The following GRIA2 variants were observed in gnomAD, a reference collection of about 807,000 sequenced individuals.
GRIA2 encodes glutamate receptor 2.
GRIA2 carries 14 observed loss-of-function variants against 97.3 expected under a neutral mutation model. The observed-to-expected ratio is 0.14, with a 90% CI of 0.10 to 0.23. GRIA2 has a LOEUF of 0.23. Ranked by LOEUF, GRIA2 falls within the 10% of genes least tolerant of loss-of-function variation. The probability of loss-of-function intolerance (pLI) is 1.00; values close to 1 mark genes in which losing one functional copy is unlikely to be tolerated. For missense variants in GRIA2, 558 were observed against 1,069.8 expected (o/e 0.52, Z 6.67); for synonymous variants, 412 against 387.8 (o/e 1.06, Z -0.73).
At chr4:157,253,803 C>G (rs1203163318) in intron 2 of GRIA2, among the ~76,000 whole-genome samples, 1 of 152,034 alleles carries the variant, frequency 6.6e-6, no homozygotes, top group Non-Finnish European at 1.5e-5. Context: ...CTGAGACAAG[C>G]TCATTAATGT....
chr4:157,357,672 GTGACCTAACATACCAGAACTAA>G (rs998548891), intron 12 of GRIA2, among the ~76,000 whole-genome samples: 9 of 151,930 alleles, frequency 5.9e-5, no homozygotes, highest in African/African-American at 2.2e-4. Flanking sequence ...GTATGTCTAG[GTGACCTAACATACCAGAACTAA>G]TGACCTAACA....
chr4:157,328,392 T>C (rs1390067863), intron 6 of GRIA2, among the ~76,000 whole-genome samples: 1 of 152,034 alleles, frequency 6.6e-6, no homozygotes, highest in Non-Finnish European at 1.5e-5. Flanking sequence ...CTCTTAGAGA[T>C]TGTAGTGACT....
intron 8 of GRIA2, 29 bp from the exon 9 acceptor site, chr4:157,333,981 A>G (rs769310777): frequency 9.7e-7 from 1 of 1,034,646 alleles, no homozygotes; most frequent in Non-Finnish European, 1.5e-6. Context: ...TCATTTATCC[A>G]TACACCTGTC....
intron 14 of GRIA2, chr4:157,362,388 A>G (rs1195268900): frequency 2.2e-6 from 1 of 457,358 alleles, no homozygotes; most frequent in Non-Finnish European, 4.4e-6. Flanking sequence ...TGCTTCTACA[A>G]TCACACGTAT....
rs759896620 is a variant in GRIA2, at chr4:157,226,910, A to G, written c.229+5103A>G. Among the ~76,000 whole-genome samples, 5 of 152,290 alleles carry G rather than the reference A, an allele frequency of 3.3e-5. No individual in the cohort carries two copies. The South Asian group carries it at 6.2e-4, about 19-fold the overall frequency. On this transcript the variant is annotated intron_variant, in intron 2 of 15. Transcript: ENST00000264426. ...TAAATATTCAGTTATATTCAATTGC[A>G]GATTTTGAGGAAATGCCTCTTTGTA...
In GRIA2 at chr4:157,275,200, C is replaced by G. The variant is rs181989361; in HGVS notation, c.230-28352C>G. Among the ~76,000 whole-genome samples, 1,516 of 152,220 alleles carry G rather than the reference C, an allele frequency of 1.0e-2. 14 individuals carry two copies. Among genetic ancestry groups the G allele is most frequent in the Non-Finnish European group, 0.016 (1,060 of 68,022 alleles). On this transcript the variant is annotated intron_variant, in intron 2 of 15. Coordinates refer to ENST00000264426, the MANE Select transcript of GRIA2 (RefSeq NM_001083619.3). Reference sequence around the variant, plus strand: ...AGTGTCTGTTCATATCCTTCGCCCACTTTTTGATGAGTTTGTTTGTTTTTT... The same window carrying G: ...AGTGTCTGTTCATATCCTTCGCCCAGTTTTTGATGAGTTTGTTTGTTTTTT...
intron 2 of GRIA2, among the ~76,000 whole-genome samples, chr4:157,264,848 A>G (rs1731697005): frequency 6.6e-6 from 1 of 151,950 alleles, no homozygotes; most frequent in Admixed American, 6.6e-5. Context: ...ATTCTCTGGG[A>G]GCCTTTAGCC....
At chr4:157,248,774 C>A (rs2126735707) in intron 2 of GRIA2, among the ~76,000 whole-genome samples, 1 of 65,076 alleles carries the variant, frequency 1.5e-5, no homozygotes, top group South Asian at 6.9e-4. Context: ...GAATTCCTTT[C>A]TTTCACTATA....
At chr4:157,335,924 TG>T in intron 10 of GRIA2, 47 bp downstream of exon 10, 1 of 1,235,494 alleles carries the variant, frequency 8.1e-7, no homozygotes, top group Non-Finnish European at 1.2e-6. Context: ...TTTGAATTGT[TG>T]TTGACAGACT....
At chr4:157,342,673 T>A (rs529577265) in intron 12 of GRIA2, among the ~76,000 whole-genome samples, 1 of 152,122 alleles carries the variant, frequency 6.6e-6, no homozygotes, top group Admixed American at 6.6e-5. Flanking sequence ...AAAGCATTTT[T>A]AATATTTGTA....
chr4:157,328,067 T>C (rs987581238), intron 6 of GRIA2, among the ~76,000 whole-genome samples: 2 of 152,072 alleles, frequency 1.3e-5, no homozygotes, highest in Non-Finnish European at 2.9e-5. Flanking sequence ...AAAAAGTGTG[T>C]AAATGACTGA....
At chr4:157,255,996 A>G in intron 2 of GRIA2, among the ~76,000 whole-genome samples, 1 of 150,934 alleles carries the variant, frequency 6.6e-6, no homozygotes, top group Non-Finnish European at 1.5e-5. Context: ...GTGACACAGA[A>G]AAATTTTATC....
intron 2 of GRIA2, among the ~76,000 whole-genome samples, chr4:157,277,152 C>T (rs532266649): frequency 1.3e-5 from 2 of 151,894 alleles, no homozygotes; most frequent in South Asian, 4.1e-4. Flanking sequence ...AAAATATTAG[C>T]AAATGAAACC....
At chr4:157,326,987 C>G (rs1734831440) in intron 6 of GRIA2, among the ~76,000 whole-genome samples, 2 of 152,032 alleles carry the variant, frequency 1.3e-5, no homozygotes, top group South Asian at 4.1e-4. Context: ...CAATGGTTGT[C>G]TTAATTGTGG....
At chr4:157,344,516 A>G (rs1165406709) in intron 12 of GRIA2, among the ~76,000 whole-genome samples, 1 of 152,098 alleles carries the variant, frequency 6.6e-6, no homozygotes, top group Non-Finnish European at 1.5e-5. Flanking sequence ...CTGCCCATTC[A>G]TTATGCTTAC....
intron 2 of GRIA2, among the ~76,000 whole-genome samples, chr4:157,241,534 T>C (rs564679932): frequency 3.9e-5 from 6 of 152,256 alleles, no homozygotes; most frequent in Admixed American, 2.6e-4. Flanking sequence ...TTAGTTGATT[T>C]TGCCCTTCTT....
chr4:157,234,630 G>A (rs993985708), intron 2 of GRIA2, among the ~76,000 whole-genome samples: 6 of 152,076 alleles, frequency 3.9e-5, no homozygotes, highest in Non-Finnish European at 7.4e-5. Flanking sequence ...TGTTTCTCAC[G>A]AATAGGACCT....
intron 5 of GRIA2, 27 bp from the exon 6 acceptor site, chr4:157,321,411 C>G: frequency 6.5e-7 from 1 of 1,547,622 alleles, no homozygotes. Flanking sequence ...AAACAAAAAG[C>G]GTGATATCAA....
At chr4:157,245,624 C>A (rs896388567) in intron 2 of GRIA2, among the ~76,000 whole-genome samples, 3 of 151,920 alleles carry the variant, frequency 2.0e-5, no homozygotes, top group Non-Finnish European at 4.4e-5. Context: ...GACTTCAAAG[C>A]CCCAGGATGG....
Sources: gnomAD v4.1 joint callset for allele counts (sites outside exome capture counted in the v4.1 genomes callset) on GRCh38, gnomAD v4.1.1 for gene constraint, MANE v1.5 for transcripts, NCBI Gene and HGNC (gene_info 2026-07-23, HGNC 2026-07-21) for gene names.